The following PDE1C variants were observed in gnomAD, a reference collection of about 807,000 sequenced individuals.
The protein encoded by PDE1C is phosphodiesterase 1C, also known as dual specificity calcium/calmodulin-dependent 3',5'-cyclic nucleotide phosphodiesterase 1C.
In PDE1C, 62 loss-of-function variants were observed where a neutral mutation model predicts 93.1. That is an observed-to-expected ratio of 0.67 (90% CI 0.54 to 0.82). The LOEUF is 0.82. Among genes scored for constraint, PDE1C ranks in the 40% least tolerant of loss-of-function variants. The pLI is 0.00. For missense variants in PDE1C, 742 were observed against 884.6 expected (o/e 0.84, Z 2.04); for synonymous variants, 325 against 310.1 (o/e 1.05, Z -0.50).
At chr7:32,192,587 T>G (rs1804309440) in intron 2 of PDE1C, among the ~76,000 whole-genome samples, 1 of 152,154 alleles carries the variant, frequency 6.6e-6, no homozygotes, top group Non-Finnish European at 1.5e-5. Flanking sequence ...TCTTGATCAA[T>G]GTAGTTATAT....
Position 31,753,550 on chromosome 7 carries a change from A to C in PDE1C, c.1964T>G (p.Ile655Ser), listed in dbSNP as rs1361771102. 6.2e-7 allele frequency: 1 copy of C among 1,608,274 alleles called. No homozygotes were observed. The highest frequency in any genetic ancestry group is 8.5e-7 in the Non-Finnish European group (1 of 1,177,810). Residue 655 changes from isoleucine to serine, a missense_variant, in exon 18 of 18, where the codon ATC (isoleucine) becomes AGC (serine). This residue lies in a region of PDE1C where 454 missense variants were observed against 459.4 expected (regional missense o/e 0.99). Transcript: ENST00000396191. ...SSTCRLTLPV[I>S]KPPLRHFKRP... ...TTTAAAATGACGCAAAGGAGGCTTG[A>C]TGACTGGCGGCCATGGAAAGGAAGA...
rs150469340 is a variant in PDE1C, at chr7:31,985,140, G to A, written c.128+66414C>T. Among the ~76,000 whole-genome samples, 258 of 152,234 alleles carry A rather than the reference G, an allele frequency of 1.7e-3. 1 individual carries two copies. The highest frequency in any genetic ancestry group is 5.7e-3 in the African/African-American group (238 of 41,546). On this transcript the variant is annotated intron_variant, in intron 2 of 17. Coordinates refer to ENST00000396191, the MANE Select transcript of PDE1C (RefSeq NM_001191057.4). ...TGCATACCATGAAAGGTTTATCAGC[G>A]CACGGACAAGGGCCAAGAGTAGACT... is the stretch of plus-strand genomic sequence containing the variant.
the PDE1C span, among the ~76,000 whole-genome samples, chr7:31,694,318 T>A: frequency 6.6e-6 from 1 of 151,976 alleles, no homozygotes; most frequent in Admixed American, 6.6e-5. Flanking sequence ...TTTTGGGACA[T>A]CTGAAGTATA....
chr7:31,700,158 C>T, the PDE1C span, among the ~76,000 whole-genome samples: 2 of 152,166 alleles, frequency 1.3e-5, no homozygotes, highest in South Asian at 4.1e-4. Flanking sequence ...AAAATTAGGT[C>T]TCTTGTACCA....
intron 1 of PDE1C, among the ~76,000 whole-genome samples, chr7:32,372,858 T>C (rs1168296994): frequency 1.3e-5 from 2 of 152,190 alleles, no homozygotes; most frequent in African/African-American, 2.4e-5. Flanking sequence ...CTCATGAAAA[T>C]ATGCTCAACA....
chr7:31,645,977 A>G, the PDE1C span, among the ~76,000 whole-genome samples: 4 of 152,292 alleles, frequency 2.6e-5, no homozygotes, highest in East Asian at 7.7e-4. Context: ...AGAAGGTGAC[A>G]TTTTGAGAGG....
At chr7:31,993,106 A>G (rs1444061733) in intron 2 of PDE1C, among the ~76,000 whole-genome samples, 3 of 152,200 alleles carry the variant, frequency 2.0e-5, no homozygotes. Context: ...CTTCCAATAC[A>G]TCCCAACATG....
At chr7:32,363,127 G>A (rs761731207) in intron 1 of PDE1C, among the ~76,000 whole-genome samples, 87 of 152,182 alleles carry the variant, frequency 5.7e-4, no homozygotes, top group Non-Finnish European at 1.1e-3. Flanking sequence ...GAACACCTTT[G>A]AAAGTGAAAG....
chr7:32,383,976 A>G (rs1784580065), intron 1 of PDE1C, among the ~76,000 whole-genome samples: 2 of 152,326 alleles, frequency 1.3e-5, no homozygotes, highest in African/African-American at 2.4e-5. Flanking sequence ...CTCAGAATAG[A>G]TCTGTTTGAA....
At position 32,350,572 on chromosome 7, in the gene PDE1C, A is replaced by G; in HGVS notation, c.310+77250T>C. Among the ~76,000 whole-genome samples the G allele has an allele frequency of 6.8e-3, 22 of 3,254 alleles. 8 individuals carry two copies. The Admixed American group carries it at 0.096, about 14-fold the overall frequency. The allele number at this position is 3,254 out of a possible 152,430, so 2.1% of individuals were successfully genotyped here. A position where few individuals can be genotyped will look rare whatever the true frequency, so the allele number is the denominator to read the frequency against. ...AATATATATATATATATATATATAT[A>G]TATATATATATATATATATTTTTTT... is the stretch of plus-strand genomic sequence containing the variant. On this transcript the variant is annotated intron_variant, in intron 1 of 1. Transcript: ENST00000672256.
At chr7:31,923,898 T>C (rs1802989138) in intron 2 of PDE1C, among the ~76,000 whole-genome samples, 1 of 152,262 alleles carries the variant, frequency 6.6e-6, no homozygotes, top group South Asian at 2.1e-4. Flanking sequence ...CCAAGTCCTC[T>C]GCTTATACAA....
At chr7:31,905,885 T>C (rs894233830) in intron 2 of PDE1C, among the ~76,000 whole-genome samples, 2 of 152,142 alleles carry the variant, frequency 1.3e-5, no homozygotes, top group African/African-American at 4.8e-5. Context: ...CAAGATCTGA[T>C]GGTTTTAAAC....
At chr7:31,991,879 C>T (rs138108281) in intron 2 of PDE1C, among the ~76,000 whole-genome samples, 27 of 152,298 alleles carry the variant, frequency 1.8e-4, no homozygotes, top group African/African-American at 5.5e-4. Context: ...ACACAGCCTG[C>T]AAAAATTCTG....
At chr7:31,845,871 T>A (rs1792509289) in intron 9 of PDE1C, among the ~76,000 whole-genome samples, 1 of 152,014 alleles carries the variant, frequency 6.6e-6, no homozygotes, top group Non-Finnish European at 1.5e-5. Flanking sequence ...TGCATGCCTG[T>A]AGTCCCAGCT....
chr7:31,743,398 A>G, the PDE1C span, among the ~76,000 whole-genome samples: 2 of 152,120 alleles, frequency 1.3e-5, no homozygotes, highest in Non-Finnish European at 2.9e-5. Flanking sequence ...TCTGTCCTTC[A>G]GATGCCTGAG....
intron 3 of PDE1C, among the ~76,000 whole-genome samples, chr7:32,100,935 C>T (rs1403228364): frequency 6.6e-6 from 1 of 152,166 alleles, no homozygotes; most frequent in Non-Finnish European, 1.5e-5. Context: ...GGCCTAAATA[C>T]AACTACTGGA....
At chr7:31,666,521 T>C in the PDE1C span, among the ~76,000 whole-genome samples, 107 of 152,336 alleles carry the variant, frequency 7.0e-4, no homozygotes, top group Middle Eastern at 3.4e-3. Flanking sequence ...TTTGTATGAA[T>C]AGGTTTGATT....
intron 2 of PDE1C, among the ~76,000 whole-genome samples, chr7:31,964,218 G>T (rs1181147251): frequency 6.6e-6 from 1 of 152,224 alleles, no homozygotes; most frequent in Non-Finnish European, 1.5e-5. Flanking sequence ...CAAAGAAAGG[G>T]ATGACAGATG....
At chr7:32,237,338 C>T (rs10215287) in intron 1 of PDE1C, among the ~76,000 whole-genome samples, 133,958 of 151,874 alleles carry the variant, frequency 0.88, 59,204 homozygotes, top group South Asian at 0.94. Context: ...CCGCCCATCT[C>T]GGCTATTCAT....
Sources: gnomAD v4.1 joint callset for allele counts (sites outside exome capture counted in the v4.1 genomes callset) on GRCh38, gnomAD v4.1.1 for gene constraint, gnomAD v4.1.1 regional missense constraint, MANE v1.5 for transcripts, NCBI Gene and HGNC (gene_info 2026-07-23, HGNC 2026-07-21) for gene names.